INO80E: variants seen among roughly 807,000 people sequenced by gnomAD.
The protein encoded by INO80E is coiled-coil domain containing 95.
A neutral mutation model predicts 27.3 loss-of-function variants in INO80E; 20 were observed. The ratio of observed to expected loss-of-function variants is 0.73; its 90% CI spans 0.51 to 1.06. INO80E has a LOEUF of 1.06. Ranked by LOEUF, INO80E falls within the 50% of genes least tolerant of loss-of-function variation. The probability of loss-of-function intolerance (pLI) is 0.00; values close to 1 mark genes in which losing one functional copy is unlikely to be tolerated. For synonymous variants in INO80E, 167 were observed against 145.9 expected (o/e 1.14, Z -1.04); for missense variants, 357 against 322.8 (o/e 1.11, Z -0.81).
intron 3 of INO80E, among the ~76,000 whole-genome samples, chr16:29,997,959 G>A (rs1284676726): frequency 6.6e-6 from 1 of 151,866 alleles, no homozygotes; most frequent in African/African-American, 2.4e-5. Flanking sequence ...GTGTATACAT[G>A]TGGTCCCAGC....
Position 30,005,315 on chromosome 16 carries a change from T to TC in INO80E, c.611dup (p.Pro205ThrfsTer3). 1.3e-5 allele frequency: 4 copies of TC among 302,342 alleles called. No individual in the cohort carries two copies. Among genetic ancestry groups the TC allele is most frequent in the South Asian group, 6.5e-5 (1 of 15,400 alleles). 18.7% of individuals were successfully genotyped at this position (302,342 alleles called of 1,614,324 possible). ...GGGGTCGGGACAACCCTGACCCCCC[T>TC]CCCACCCCCTAAGATGCCCCCCCCC... On this transcript the variant is annotated frameshift_variant, in exon 7 of 7. Coordinates refer to ENST00000563197, the MANE Select transcript of INO80E (RefSeq NM_173618.3). LOFTEE classifies it high-confidence loss of function.
rs768512199 is a variant in INO80E, at chr16:30,005,418, C to T, written c.711C>T (p.Asp237=). The part of the protein sequence containing the change: ...SGDDALDGDD[D]LVIDIPE ...ACGATGCCTTGGATGGAGACGATGA[C>T]CTGGTGATCGACATCCCGGAGTGAC... The change falls in exon 7 of 7, where the codon GAC becomes GAT. Residue 237 remains aspartate, a synonymous_variant. Transcript: ENST00000563197. 15 of 1,602,666 alleles carry T rather than the reference C, an allele frequency of 9.4e-6. No homozygotes were observed. The East Asian group carries it at 1.4e-4, about 15-fold the overall frequency.
Position 29,996,254 on chromosome 16 carries a change from C to A in INO80E, c.-57C>A. On this transcript the variant is annotated 5_prime_UTR_variant, in exon 1 of 7. Coordinates refer to ENST00000563197, the MANE Select transcript of INO80E (RefSeq NM_173618.3). ...GGAAGTGGAGGCGGGAGCGGCACGG[C>A]AGCCACTGCTTGGGGTAGCGGGAGG... is the stretch of plus-strand genomic sequence containing the variant. The A allele has an allele frequency of 1.3e-6, 2 of 1,499,642 alleles. No homozygotes were observed. Among genetic ancestry groups the A allele is most frequent in the Non-Finnish European group, 1.8e-6 (2 of 1,101,210 alleles). The allele number at this position is 1,499,642 out of a possible 1,614,324, so 92.9% of individuals were successfully genotyped here. A position where few individuals can be genotyped will look rare whatever the true frequency, so the allele number is the denominator to read the frequency against.
intron 3 of INO80E, chr16:29,999,138 A>G (rs1462083178): frequency 1.3e-5 from 2 of 152,082 alleles, no homozygotes; most frequent in African/African-American, 4.8e-5. Flanking sequence ...AACGCATGAT[A>G]CCCATTTGCT....
chr16:30,005,188 C>T, intron 6 of INO80E, 33 bp from the exon 7 acceptor site: 1 of 1,441,724 alleles, frequency 6.9e-7, no homozygotes, highest in Non-Finnish European at 9.1e-7. Flanking sequence ...GCCTCCCTGA[C>T]TAGTCCCCCT....
At chr16:29,996,470 G>C in intron 1 of INO80E, 77 bp from the exon 2 acceptor site, 1 of 1,551,608 alleles carries the variant, frequency 6.4e-7, no homozygotes. Flanking sequence ...TGTAAAGTGG[G>C]TGGGGCGAGC....
At chr16:29,996,703 A>G in intron 2 of INO80E, 86 bp downstream of exon 2, 1 of 1,587,836 alleles carries the variant, frequency 6.3e-7, no homozygotes, top group Non-Finnish European at 8.6e-7. Context: ...CCACAAGTGC[A>G]TGGGCTCTTT....
chr16:30,004,242 GC>G, intron 6 of INO80E: 1 of 152,440 alleles, frequency 6.6e-6, no homozygotes. Context: ...CCCGTTTCCC[GC>G]CCCCCAGTGT....
intron 5 of INO80E, 23 bp downstream of exon 5, chr16:30,001,063 A>G: frequency 6.5e-7 from 1 of 1,530,354 alleles, no homozygotes; most frequent in South Asian, 1.3e-5. Flanking sequence ...CAGGGATGGG[A>G]AGTGCTTGGG....
At chr16:29,997,606 T>C (rs2070181135) in intron 3 of INO80E, among the ~76,000 whole-genome samples, 1 of 151,772 alleles carries the variant, frequency 6.6e-6, no homozygotes. Context: ...ATACAAAAAT[T>C]AGTCGGGTGT....
chr16:30,005,433 C>T lies in INO80E; in HGVS notation c.726C>T (p.Ile242=). Residue 242 remains isoleucine, a synonymous_variant, in exon 7 of 7, where the codon ATC becomes ATT. Transcript: ENST00000563197. ...LDGDDDLVID[I]PE is the part of the protein sequence containing the mutation. ...GAGACGATGACCTGGTGATCGACAT[C>T]CCGGAGTGACCGTGACATCACGCCA... 1 of 1,597,664 alleles carries T rather than the reference C, an allele frequency of 6.3e-7. No homozygotes were observed. The highest frequency in any genetic ancestry group is 1.7e-5 in the Admixed American group (1 of 58,398).
intron 2 of INO80E, 41 bp from the exon 3 acceptor site, chr16:29,996,767 C>A: frequency 6.2e-7 from 1 of 1,609,302 alleles, no homozygotes; most frequent in Non-Finnish European, 8.5e-7. Context: ...GACATTGCTG[C>A]GCTGGAAAAT....
At chr16:29,999,921 T>C (rs949882073) in intron 3 of INO80E, among the ~76,000 whole-genome samples, 3 of 151,878 alleles carry the variant, frequency 2.0e-5, no homozygotes, top group African/African-American at 7.3e-5. Context: ...CCTGTGTTAG[T>C]TGGTGTGGGG....
chr16:30,001,699 A>G, intron 6 of INO80E, 169 bp downstream of exon 6: 1 of 639,994 alleles, frequency 1.6e-6, no homozygotes, highest in Non-Finnish European at 2.7e-6. Context: ...ACAGGCTTGT[A>G]TGGAGACAAA....
rs1028912323 is a variant in INO80E, at chr16:30,005,579, G to A, written c.*137G>A. 6 of 852,456 alleles carry A rather than the reference G, an allele frequency of 7.0e-6. No homozygotes were observed. In the East Asian group the frequency reaches 8.7e-5, roughly 12 times the overall value. The allele number at this position is 852,456 out of a possible 1,614,324, so 52.8% of individuals were successfully genotyped here. A position where few individuals can be genotyped will look rare whatever the true frequency, so the allele number is the denominator to read the frequency against. On this transcript the variant is annotated 3_prime_UTR_variant, in exon 7 of 7. Transcript: ENST00000563197. ...GGCCACTGACACAACCAGAAAAGGC[G>A]TAAACATGCACGGGTGTCCCCCAGG...
intron 2 of INO80E, 27 bp from the exon 3 acceptor site, chr16:29,996,781 T>C (rs368205302): frequency 6.2e-7 from 1 of 1,613,354 alleles, no homozygotes; most frequent in Non-Finnish European, 8.5e-7. Flanking sequence ...GGAAAATCAC[T>C]GTCCGTGTCT....
At chr16:30,001,278 C>T (rs2070341837) in intron 5 of INO80E, 136 bp from the exon 6 acceptor site, 15 of 1,491,798 alleles carry the variant, frequency 1.0e-5, no homozygotes, top group African/African-American at 1.4e-5. Flanking sequence ...CCCGGCCCTT[C>T]TGTGCTCGGG....
Position 29,997,774 on chromosome 16 carries a change from C to G in INO80E, c.205+914C>G, listed in dbSNP as rs367723137. On this transcript the variant is annotated intron_variant, in intron 3 of 6. Coordinates refer to ENST00000563197, the MANE Select transcript of INO80E (RefSeq NM_173618.3). The stretch of plus-strand genomic sequence containing the variant: ...CGTCTCAAAAAAAAAAAAAAACGCC[C>G]TTCTTAGCTTGCAGACCACACAAGC... Among the ~76,000 whole-genome samples, 24 of 150,338 alleles carry G rather than the reference C, an allele frequency of 1.6e-4. No homozygotes were observed. In the East Asian group the frequency reaches 2.8e-3, roughly 17 times the overall value.
At chr16:29,997,383 A>G (rs1249414592) in intron 3 of INO80E, among the ~76,000 whole-genome samples, 2 of 152,082 alleles carry the variant, frequency 1.3e-5, no homozygotes, top group African/African-American at 4.8e-5. Context: ...CTTTATAGGC[A>G]CTGAAATTTG....
Sources: gnomAD v4.1 joint callset for allele counts (sites outside exome capture counted in the v4.1 genomes callset) on GRCh38, gnomAD v4.1.1 for gene constraint, MANE v1.5 for transcripts, NCBI Gene and HGNC (gene_info 2026-07-23, HGNC 2026-07-21) for gene names.